Variants in AOAH observed in about 807,000 individuals in gnomAD.
The protein encoded by AOAH is acyloxyacyl hydrolase, also known as acyloxyacyl hydrolase (neutrophil).
In AOAH, 64 loss-of-function variants were observed where a neutral mutation model predicts 92.2. The observed-to-expected ratio is 0.69, with a 90% CI of 0.57 to 0.86. The LOEUF is 0.86. Ranked by LOEUF, AOAH falls within the 40% of genes least tolerant of loss-of-function variation. AOAH has a pLI of 0.00. For missense variants in AOAH, 656 were observed against 694.6 expected, an observed-to-expected ratio of 0.94 and a Z score of 0.62; for synonymous variants, 263 against 254.5, an observed-to-expected ratio of 1.03 and a Z score of -0.32.
At chr7:36,568,842 G>T (rs749148697) in intron 13 of AOAH, among the ~76,000 whole-genome samples, 3 of 152,140 alleles carry the variant, frequency 2.0e-5, no homozygotes, top group Non-Finnish European at 2.9e-5. Flanking sequence ...AGGTCTGCCA[G>T]ATTCTCTCCC....
At chr7:36,579,378 C>T (rs113571578) in intron 12 of AOAH, among the ~76,000 whole-genome samples, 29 of 151,656 alleles carry the variant, frequency 1.9e-4, no homozygotes, top group Non-Finnish European at 4.4e-5. Flanking sequence ...CCCCGCCCCC[C>T]CCAAATTGTG....
intron 12 of AOAH, among the ~76,000 whole-genome samples, chr7:36,580,035 C>T (rs866209375): frequency 2.0e-5 from 3 of 152,160 alleles, no homozygotes; most frequent in African/African-American, 4.8e-5. Flanking sequence ...TATGGTAGCA[C>T]CTCATTCCAA....
At chr7:36,612,797 CTTAAT>C (rs1388092487) in intron 11 of AOAH, among the ~76,000 whole-genome samples, 3 of 152,112 alleles carry the variant, frequency 2.0e-5, no homozygotes, top group Admixed American at 6.5e-5. Context: ...GCATTGTTAT[CTTAAT>C]TTGTTTCTTA....
chr7:36,566,632 T>C (rs915085159), intron 13 of AOAH, among the ~76,000 whole-genome samples: 3 of 151,978 alleles, frequency 2.0e-5, no homozygotes, highest in Admixed American at 6.6e-5. Flanking sequence ...TCCCAATAGA[T>C]AGAAAACACC....
chr7:36,560,003 T>C (rs542472791), intron 13 of AOAH, among the ~76,000 whole-genome samples: 1 of 152,372 alleles, frequency 6.6e-6, no homozygotes, highest in South Asian at 2.1e-4. Flanking sequence ...CTTTCCCTAT[T>C]GCCAATTTTT....
chr7:36,688,488 A>C (rs1002583294), intron 1 of AOAH, among the ~76,000 whole-genome samples: 1 of 152,190 alleles, frequency 6.6e-6, no homozygotes, highest in Non-Finnish European at 1.5e-5. Context: ...AGAGCTAAAT[A>C]AATTTTAATA....
intron 12 of AOAH, among the ~76,000 whole-genome samples, chr7:36,588,811 TG>T (rs1405106282): frequency 6.6e-6 from 1 of 152,216 alleles, no homozygotes; most frequent in Non-Finnish European, 1.5e-5. Context: ...AGAGCATTAT[TG>T]TACCACTTAT....
intron 20 of AOAH, among the ~76,000 whole-genome samples, chr7:36,515,562 A>C (rs111211382): frequency 0.078 from 4,998 of 64,396 alleles, 434 homozygotes; most frequent in African/African-American, 0.16. Flanking sequence ...CACACACATA[A>C]TCACACCCCC....
chr7:36,553,126 C>A (rs533507730), intron 13 of AOAH, among the ~76,000 whole-genome samples: 67 of 119,986 alleles, frequency 5.6e-4, no homozygotes, highest in African/African-American at 1.9e-3. Flanking sequence ...CCCCTCCCCC[C>A]ACCCCACAAC....
intron 13 of AOAH, among the ~76,000 whole-genome samples, chr7:36,559,506 G>A (rs925580179): frequency 6.6e-6 from 1 of 152,136 alleles, no homozygotes; most frequent in African/African-American, 2.4e-5. Flanking sequence ...TAGTGATGTT[G>A]TGTCTTTTTT....
intron 1 of AOAH, among the ~76,000 whole-genome samples, chr7:36,698,440 T>G (rs1797843998): frequency 6.6e-6 from 1 of 152,162 alleles, no homozygotes; most frequent in Non-Finnish European, 1.5e-5. Flanking sequence ...CATTTTCTGC[T>G]CTGATCTTTA....
chr7:36,536,033 A>G (rs534833543), intron 16 of AOAH, among the ~76,000 whole-genome samples: 2 of 152,284 alleles, frequency 1.3e-5, no homozygotes, highest in Admixed American at 1.3e-4. Flanking sequence ...CTGGGTAGTG[A>G]GTCACAAACC....
At chr7:36,672,946 T>C (rs559880148) in intron 3 of AOAH, among the ~76,000 whole-genome samples, 14 of 152,216 alleles carry the variant, frequency 9.2e-5, no homozygotes, top group African/African-American at 3.1e-4. Flanking sequence ...AATAAAACTA[T>C]AGAAAAACCT....
At chr7:36,681,570 C>T (rs576084084) in intron 2 of AOAH, among the ~76,000 whole-genome samples, 50 of 152,114 alleles carry the variant, frequency 3.3e-4, no homozygotes, top group African/African-American at 1.2e-3. Context: ...TTTGGGAGGC[C>T]GAGGCGGGCA....
At chr7:36,559,648 C>T (rs1385637731) in intron 13 of AOAH, among the ~76,000 whole-genome samples, 4 of 151,830 alleles carry the variant, frequency 2.6e-5, no homozygotes, top group African/African-American at 9.7e-5. Context: ...TCTGGATATT[C>T]GACCTTGATT....
chr7:36,564,645 A>C (rs1294571344), intron 13 of AOAH, among the ~76,000 whole-genome samples: 2 of 152,256 alleles, frequency 1.3e-5, no homozygotes, highest in Non-Finnish European at 2.9e-5. Flanking sequence ...TGTTTAAAGG[A>C]CATCCCGCTA....
chr7:36,673,579 A>G (rs978199268), intron 3 of AOAH, among the ~76,000 whole-genome samples: 2 of 152,210 alleles, frequency 1.3e-5, no homozygotes, highest in African/African-American at 4.8e-5. Context: ...TAAAAGAAAA[A>G]GCAGACTGTG....
rs59371112 is a variant in AOAH, at chr7:36,631,084, G to A, written c.521+952C>T. 2.8e-3 allele frequency among the ~76,000 whole-genome samples: 425 copies of A among 152,292 alleles called. 5 individuals carry two copies. The highest frequency in any genetic ancestry group is 7.7e-3 in the East Asian group (40 of 5,184). ...TAATGGGATGGGCTTGGTGGCTCAC[G>A]CCTGTAATCCCAGCACTTTGGGAGG... On this transcript the variant is annotated intron_variant, in intron 6 of 20. Coordinates refer to ENST00000617537, the MANE Select transcript of AOAH (RefSeq NM_001637.4).
intron 1 of AOAH, among the ~76,000 whole-genome samples, chr7:36,713,221 G>C (rs1486866773): frequency 1.3e-5 from 2 of 152,060 alleles, no homozygotes; most frequent in African/African-American, 4.8e-5. Context: ...CATAGATTAA[G>C]AGACAAAGAA....
Sources: gnomAD v4.1 joint callset for allele counts (sites outside exome capture counted in the v4.1 genomes callset) on GRCh38, gnomAD v4.1.1 for gene constraint, MANE v1.5 for transcripts, NCBI Gene and HGNC (gene_info 2026-07-23, HGNC 2026-07-21) for gene names.